The following NR2F1-AS1 variants were observed in gnomAD, a reference collection of about 807,000 sequenced individuals.
NR2F1-AS1 encodes the protein NR2F1 antisense RNA 1.
chr5:93,565,196 T>C (rs1752590319), intron 1 of NR2F1-AS1, among the ~76,000 whole-genome samples: 1 of 152,182 alleles, frequency 6.6e-6, no homozygotes, highest in African/African-American at 2.4e-5. Flanking sequence ...TTGGCCTCTG[T>C]CTTTTGTTTG....
At chr5:93,512,069 G>A (rs1347023038) in intron 4 of NR2F1-AS1, among the ~76,000 whole-genome samples, 1 of 152,098 alleles carries the variant, frequency 6.6e-6, no homozygotes, top group Non-Finnish European at 1.5e-5. Flanking sequence ...GCTCCTTCAG[G>A]AGCCTCAGGC....
intron 1 of NR2F1-AS1, among the ~76,000 whole-genome samples, chr5:93,577,528 T>G (rs545128353): frequency 2.0e-5 from 3 of 152,306 alleles, no homozygotes; most frequent in Admixed American, 2.0e-4. Context: ...GGGTAAAGAT[T>G]TCTGAGATAG....
chr5:93,427,246 A>G (rs1749214336), intron 4 of NR2F1-AS1, among the ~76,000 whole-genome samples: 1 of 152,220 alleles, frequency 6.6e-6, no homozygotes, highest in Non-Finnish European at 1.5e-5. Context: ...TCTAAAGGAA[A>G]TATTGCCATT....
At chr5:93,502,105 CAT>C (rs1751092307) in intron 4 of NR2F1-AS1, among the ~76,000 whole-genome samples, 2 of 152,090 alleles carry the variant, frequency 1.3e-5, no homozygotes, top group African/African-American at 2.4e-5. Context: ...TTTTTTTAGA[CAT>C]AATGTTTTTC....
intron 4 of NR2F1-AS1, among the ~76,000 whole-genome samples, chr5:93,479,971 C>A (rs533194493): frequency 1.8e-4 from 27 of 151,922 alleles, no homozygotes; most frequent in Non-Finnish European, 4.0e-4. Context: ...AACAATTATA[C>A]TTACCCAGTC....
Position 93,577,472 on chromosome 5 carries a change from C to T in NR2F1-AS1, n.313+2995G>A, listed in dbSNP as rs556207438. On this transcript the variant is annotated intron_variant and non_coding_transcript_variant, in intron 1 of 5. Transcript: ENST00000660523. ...TGGTTTTTTGTTGATAAAGGCAGAA[C>T]TTTTTACAACTAGGCAGCCACAATA... Among the ~76,000 whole-genome samples the T allele has an allele frequency of 4.6e-5, 7 of 152,214 alleles. No individual in the cohort carries two copies. In the South Asian group the frequency reaches 1.5e-3, roughly 32 times the overall value.
intron 4 of NR2F1-AS1, among the ~76,000 whole-genome samples, chr5:93,535,573 T>C (rs1263257680): frequency 6.6e-6 from 1 of 151,788 alleles, no homozygotes; most frequent in Non-Finnish European, 1.5e-5. Context: ...TATAGCCCAA[T>C]ATCCCTCATA....
chr5:93,513,457 T>C (rs1245757400), intron 4 of NR2F1-AS1, among the ~76,000 whole-genome samples: 1 of 152,172 alleles, frequency 6.6e-6, no homozygotes, highest in African/African-American at 2.4e-5. Context: ...ATGTGGTATA[T>C]ACATACCATG....
chr5:93,443,488 A>T (rs574797975), intron 4 of NR2F1-AS1, among the ~76,000 whole-genome samples: 1 of 152,256 alleles, frequency 6.6e-6, no homozygotes, highest in Admixed American at 6.5e-5. Flanking sequence ...GTGAGAAGAG[A>T]AGTTTAGAGA....
At chr5:93,573,264 C>A (rs1413349908) in intron 1 of NR2F1-AS1, among the ~76,000 whole-genome samples, 1 of 152,220 alleles carries the variant, frequency 6.6e-6, no homozygotes, top group Non-Finnish European at 1.5e-5. Context: ...CCTGCCACTC[C>A]AGACTCCTTC....
intron 4 of NR2F1-AS1, among the ~76,000 whole-genome samples, chr5:93,504,576 A>C (rs756285883): frequency 1.6e-4 from 24 of 152,176 alleles, no homozygotes; most frequent in Non-Finnish European, 3.1e-4. Context: ...AAAAGAATTG[A>C]AAGAATTGAA....
chr5:93,511,259 A>C (rs1317104832), intron 4 of NR2F1-AS1, among the ~76,000 whole-genome samples: 2 of 152,146 alleles, frequency 1.3e-5, no homozygotes, highest in African/African-American at 4.8e-5. Context: ...ACAAAAGGTG[A>C]AAGAAGGAAG....
chr5:93,513,783 C>T (rs1039051061), intron 4 of NR2F1-AS1, among the ~76,000 whole-genome samples: 1 of 152,088 alleles, frequency 6.6e-6, no homozygotes, highest in African/African-American at 2.4e-5. Flanking sequence ...AACAAACTTG[C>T]ACATGTAACC....
intron 4 of NR2F1-AS1, among the ~76,000 whole-genome samples, chr5:93,437,880 T>C (rs539685270): frequency 6.6e-6 from 1 of 152,322 alleles, no homozygotes; most frequent in South Asian, 2.1e-4. Context: ...AATACCTTTA[T>C]TTAGATATCA....
Position 93,548,633 on chromosome 5 carries a change from T to C in NR2F1-AS1, n.638+5128A>G, listed in dbSNP as rs1208305150. Among the ~76,000 whole-genome samples, 4 of 151,590 alleles carry C rather than the reference T, an allele frequency of 2.6e-5. No individual in the cohort carries two copies. The East Asian group carries it at 7.7e-4, about 29-fold the overall frequency. ...ATTCCAGCACTTTGGGAGGCCAAGG[T>C]GGGTGGATCATTTGAGATCAGGAGT... is the stretch of plus-strand genomic sequence containing the variant. On this transcript the variant is annotated intron_variant and non_coding_transcript_variant, in intron 4 of 5. Transcript: ENST00000660523.
chr5:93,478,846 TTCTC>T (rs1750542309), intron 4 of NR2F1-AS1, among the ~76,000 whole-genome samples: 2 of 152,260 alleles, frequency 1.3e-5, no homozygotes, highest in Admixed American at 1.3e-4. Flanking sequence ...TTTCATTTCT[TTCTC>T]TTGTTCCTCC....
At chr5:93,522,765 C>T (rs967151532) in intron 4 of NR2F1-AS1, among the ~76,000 whole-genome samples, 3 of 151,656 alleles carry the variant, frequency 2.0e-5, no homozygotes, top group African/African-American at 7.3e-5. Flanking sequence ...CCTCCCCTAG[C>T]CAAGGGAAGC....
intron 4 of NR2F1-AS1, among the ~76,000 whole-genome samples, chr5:93,523,573 AG>A (rs1428599897): frequency 1.3e-5 from 2 of 152,170 alleles, no homozygotes; most frequent in Non-Finnish European, 2.9e-5. Flanking sequence ...ATTGGGCAGC[AG>A]GGTTGGACAG....
intron 3 of NR2F1-AS1, among the ~76,000 whole-genome samples, chr5:93,554,532 G>A (rs1752305494): frequency 6.6e-6 from 1 of 152,066 alleles, no homozygotes; most frequent in Non-Finnish European, 1.5e-5. Context: ...GACATTGTTT[G>A]TAAGTAAAAT....
Sources: allele counts gnomAD v4.1 joint callset (sites outside exome capture counted in the v4.1 genomes callset), GRCh38; gene constraint gnomAD v4.1.1; transcripts MANE v1.5; gene names NCBI Gene and HGNC (gene_info 2026-07-23, HGNC 2026-07-21).